The following RIOK1 variants were observed in gnomAD, a reference collection of about 807,000 sequenced individuals.
RIOK1 encodes serine/threonine-protein kinase RIO1.
In RIOK1, 66 loss-of-function variants were observed where a neutral mutation model predicts 73.5. The ratio of observed to expected loss-of-function variants is 0.90; its 90% CI spans 0.74 to 1.10. RIOK1 has a LOEUF of 1.10. RIOK1 is among the 50% of genes least tolerant of loss of function. RIOK1 has a pLI of 0.00. For missense variants in RIOK1, 658 were observed against 699.8 expected (o/e 0.94, Z 0.67); for synonymous variants, 224 against 226.8 (o/e 0.99, Z 0.11).
chr6:7,409,795 CAAA>C (rs34196824), intron 12 of RIOK1, among the ~76,000 whole-genome samples: 13 of 103,132 alleles, frequency 1.3e-4, no homozygotes, highest in African/African-American at 1.6e-4. Context: ...TGTCTAAACT[CAAA>C]AAAAAAAAAA....
chr6:7,408,048 T>G (rs2113522093), intron 12 of RIOK1, among the ~76,000 whole-genome samples: 1 of 152,290 alleles, frequency 6.6e-6, no homozygotes, highest in East Asian at 1.9e-4. Context: ...CAGGTTTGTT[T>G]GTTTTTGAGA....
intron 12 of RIOK1, among the ~76,000 whole-genome samples, chr6:7,408,705 C>G (rs964584258): frequency 1.3e-5 from 2 of 151,636 alleles, no homozygotes; most frequent in Non-Finnish European, 2.9e-5. Context: ...TAACTTAGCA[C>G]TGACTTTCTT....
At chr6:7,411,745 T>C (rs1172677214) in intron 14 of RIOK1, among the ~76,000 whole-genome samples, 1 of 152,248 alleles carries the variant, frequency 6.6e-6, no homozygotes, top group Non-Finnish European at 1.5e-5. Context: ...CATTAACATA[T>C]ATTTCTTTAA....
intron 12 of RIOK1, among the ~76,000 whole-genome samples, chr6:7,407,004 T>C (rs1761763478): frequency 6.6e-6 from 1 of 152,256 alleles, no homozygotes; most frequent in Admixed American, 6.5e-5. Context: ...CCAGTGTATG[T>C]ATATACTATA....
At chr6:7,413,437 G>T (rs114147467) in intron 15 of RIOK1, among the ~76,000 whole-genome samples, 6 of 152,246 alleles carry the variant, frequency 3.9e-5, no homozygotes, top group South Asian at 2.1e-4. Flanking sequence ...GAAGGGCAGG[G>T]ATTAAGTAAT....
At chr6:7,414,467 A>G in intron 16 of RIOK1, 77 bp downstream of exon 16, 1 of 1,324,884 alleles carries the variant, frequency 7.5e-7, no homozygotes, top group Non-Finnish European at 1.0e-6. Flanking sequence ...TCAAGGATCT[A>G]GCTAGATTAT....
chr6:7,393,354 T>G, intron 2 of RIOK1, 51 bp downstream of exon 2: 1 of 1,474,608 alleles, frequency 6.8e-7, no homozygotes, highest in Non-Finnish European at 9.5e-7. Flanking sequence ...TTATGTCTAC[T>G]TTTTTAAAAG....
chr6:7,389,861 C>A lies in RIOK1; in HGVS notation c.-142C>A. On this transcript the variant is annotated 5_prime_UTR_variant, in exon 1 of 17. Coordinates refer to ENST00000379834, the MANE Select transcript of RIOK1 (RefSeq NM_031480.3). ...GGATCTGTCGGTCCCGTTTTCCCGT[C>A]GCACGTGGTGGCCACTGTTGGCTTC... 1 of 630,950 alleles carries A rather than the reference C, an allele frequency of 1.6e-6. No individual in the cohort carries two copies. The highest frequency in any genetic ancestry group is 2.9e-5 in the East Asian group (1 of 34,452). The allele number at this position is 630,950 out of a possible 1,614,324, so 39.1% of individuals were successfully genotyped here.
chr6:7,394,441 C>T (rs543997171), intron 2 of RIOK1, among the ~76,000 whole-genome samples: 1 of 152,242 alleles, frequency 6.6e-6, no homozygotes, highest in African/African-American at 2.4e-5. Context: ...CTGTAAAAAA[C>T]AACAACAATA....
chr6:7,392,689 TC>T (rs954285895), intron 1 of RIOK1, among the ~76,000 whole-genome samples: 1 of 152,076 alleles, frequency 6.6e-6, no homozygotes, highest in African/African-American at 2.4e-5. Context: ...CAGCCTTTTT[TC>T]CCCCTTTCTT....
At chr6:7,398,809 GC>G in intron 5 of RIOK1, 69 bp downstream of exon 5, 1 of 1,325,958 alleles carries the variant, frequency 7.5e-7, no homozygotes, top group Admixed American at 1.9e-5. Flanking sequence ...ATTGTAGTTT[GC>G]TTTTATCCTT....
chr6:7,404,594 G>A (rs1383406465), intron 10 of RIOK1, 39 bp downstream of exon 10: 3 of 1,601,466 alleles, frequency 1.9e-6, no homozygotes, highest in South Asian at 1.1e-5. Context: ...CCTGTCAGTT[G>A]TTTCGTGTCC....
chr6:7,416,863 C>T (rs555303866), intron 16 of RIOK1, among the ~76,000 whole-genome samples: 1 of 152,130 alleles, frequency 6.6e-6, no homozygotes, highest in South Asian at 2.1e-4. Context: ...CAAGTTCCTC[C>T]ACCAACCCAT....
chr6:7,403,523 T>C (rs1199832050), intron 8 of RIOK1, among the ~76,000 whole-genome samples: 1 of 152,232 alleles, frequency 6.6e-6, no homozygotes. Flanking sequence ...TAGTGTAGTA[T>C]TGAGCAAGTA....
intron 12 of RIOK1, among the ~76,000 whole-genome samples, chr6:7,406,278 T>G (rs1198164485): frequency 6.6e-6 from 1 of 152,126 alleles, no homozygotes. Flanking sequence ...ATTACAGGTG[T>G]GAGCCACGAC....
chr6:7,413,825 T>C (rs1262455963), intron 15 of RIOK1, among the ~76,000 whole-genome samples: 1 of 152,234 alleles, frequency 6.6e-6, no homozygotes, highest in Non-Finnish European at 1.5e-5. Context: ...TTGTTTTCCC[T>C]CCCAATTGGA....
chr6:7,403,418 G>A lies in RIOK1; in HGVS notation c.767+521G>A, dbSNP rs530436729. Among the ~76,000 whole-genome samples, 3 of 152,196 alleles carry A rather than the reference G, an allele frequency of 2.0e-5. No individual in the cohort carries two copies. In the East Asian group the frequency reaches 5.8e-4, roughly 29 times the overall value. On this transcript the variant is annotated intron_variant, in intron 8 of 16. Coordinates refer to ENST00000379834, the MANE Select transcript of RIOK1 (RefSeq NM_031480.3). ...ACTAACACCTTTTTATCAGGTAAAG[G>A]CCTCATCTAGTTGAGATCAAGTTTC...
At position 7,390,013 on chromosome 6, in the gene RIOK1, G is replaced by C; in HGVS notation, c.11G>C (p.Arg4Pro). MDY[R>P]RLLMSRVVPG... Reference sequence around the variant, plus strand: ...CGGCGCTCTCCAGTCATGGACTACCGGCGGCTTCTCATGAGCCGGGTGGTC... The same window carrying C: ...CGGCGCTCTCCAGTCATGGACTACCCGCGGCTTCTCATGAGCCGGGTGGTC... The change falls in exon 1 of 17, where the codon CGG becomes CCG. Residue 4 changes from arginine to proline, a missense_variant. Arg to Pro is a moderately radical substitution (Grantham distance 103, BLOSUM62 -2). Coordinates refer to ENST00000379834, the MANE Select transcript of RIOK1 (RefSeq NM_031480.3). 6.4e-7 allele frequency: 1 copy of C among 1,553,422 alleles called. No individual in the cohort carries two copies.
At chr6:7,416,629 CAG>C (rs1174871344) in intron 16 of RIOK1, among the ~76,000 whole-genome samples, 1 of 135,076 alleles carries the variant, frequency 7.4e-6, no homozygotes, top group Non-Finnish European at 1.6e-5. Context: ...GCCTGGGCGA[CAG>C]AGACTCCGTC....
Sources: gnomAD v4.1 joint callset for allele counts (sites outside exome capture counted in the v4.1 genomes callset) on GRCh38, gnomAD v4.1.1 for gene constraint, MANE v1.5 for transcripts, NCBI Gene and HGNC (gene_info 2026-07-23, HGNC 2026-07-21) for gene names.